The following ADAMTS6 variants were observed in gnomAD, a reference collection of about 807,000 sequenced individuals.
ADAMTS6 encodes ADAM metallopeptidase with thrombospondin type 1 motif 6, also known as A disintegrin and metalloproteinase with thrombospondin motifs 6.
Under a neutral mutation model 144.3 loss-of-function variants are expected in ADAMTS6, and 23 were observed. The ratio of observed to expected loss-of-function variants is 0.16; its 90% CI spans 0.11 to 0.23. ADAMTS6 has a LOEUF of 0.23. Among genes scored for constraint, ADAMTS6 ranks in the 10% least tolerant of loss-of-function variants. The pLI, the probability that ADAMTS6 is intolerant of heterozygous loss-of-function variation, is 1.00. For missense variants in ADAMTS6, 999 were observed against 1,379.6 expected, an observed-to-expected ratio of 0.72 and a Z score of 4.37; for synonymous variants, 444 against 457.5, an observed-to-expected ratio of 0.97 and a Z score of 0.38.
At chr5:65,265,238 A>T (rs546012172) in intron 12 of ADAMTS6, among the ~76,000 whole-genome samples, 1 of 152,090 alleles carries the variant, frequency 6.6e-6, no homozygotes, top group African/African-American at 2.4e-5. Context: ...AGAAAAAAAG[A>T]TCATCTGTTC....
chr5:65,471,768 AC>A, intron 2 of ADAMTS6, among the ~76,000 whole-genome samples: 1 of 152,184 alleles, frequency 6.6e-6, no homozygotes, highest in South Asian at 2.1e-4. Context: ...AAAAAAAAAA[AC>A]AAAACGAAAA....
chr5:65,400,200 A>G (rs979836041), intron 7 of ADAMTS6, among the ~76,000 whole-genome samples: 1 of 151,534 alleles, frequency 6.6e-6, no homozygotes, highest in African/African-American at 2.4e-5. Context: ...TTAATTTTTA[A>G]ACGTACATTT....
intron 10 of ADAMTS6, 152 bp from the exon 11 acceptor site, chr5:65,291,622 G>T: frequency 2.7e-6 from 2 of 747,292 alleles, no homozygotes; most frequent in Non-Finnish European, 3.9e-6. Flanking sequence ...GAACAGAATA[G>T]CTTTACTGAA....
At chr5:65,407,789 A>C (rs1247473561) in intron 7 of ADAMTS6, among the ~76,000 whole-genome samples, 1 of 152,194 alleles carries the variant, frequency 6.6e-6, no homozygotes, top group Non-Finnish European at 1.5e-5. Flanking sequence ...CTATAAAGAC[A>C]CATGCACACG....
chr5:65,313,054 G>A (rs927418670), intron 9 of ADAMTS6, among the ~76,000 whole-genome samples: 1 of 150,212 alleles, frequency 6.7e-6, no homozygotes, highest in Non-Finnish European at 1.5e-5. Flanking sequence ...CCAGCAAAAT[G>A]AAGAAAAATC....
rs561564193 is a variant in ADAMTS6 at position 65,433,931 on chromosome 5, C to A, written c.1073+17544G>T. On this transcript the variant is annotated intron_variant, in intron 7 of 24. Transcript: ENST00000381055. ...TATATACTCAAGAGAAATGAAAACA[C>A]ACATCCACACAAAAACTCCCACATG... is the stretch of plus-strand genomic sequence containing the variant. Among the ~76,000 whole-genome samples, 6 of 152,286 alleles carry A rather than the reference C, an allele frequency of 3.9e-5. No homozygotes were observed. In the South Asian group the frequency reaches 1.2e-3, roughly 32 times the overall value.
intron 7 of ADAMTS6, among the ~76,000 whole-genome samples, chr5:65,409,954 C>T (rs1354031841): frequency 6.6e-6 from 1 of 152,136 alleles, no homozygotes; most frequent in East Asian, 1.9e-4. Context: ...ATATAAGTTA[C>T]ATAAAAGGTT....
intron 7 of ADAMTS6, among the ~76,000 whole-genome samples, chr5:65,389,665 C>CT (rs1363756667): frequency 6.6e-6 from 1 of 150,988 alleles, no homozygotes; most frequent in African/African-American, 2.4e-5. Context: ...AGTACCCATC[C>CT]TTTTTTCCCC....
At chr5:65,272,852 TG>T (rs1001981465) in intron 12 of ADAMTS6, among the ~76,000 whole-genome samples, 2 of 149,336 alleles carry the variant, frequency 1.3e-5, no homozygotes, top group African/African-American at 5.0e-5. Flanking sequence ...GCCCCAGAGG[TG>T]GAGGTTGCAG....
intron 8 of ADAMTS6, among the ~76,000 whole-genome samples, chr5:65,331,613 G>A (rs899290748): frequency 1.3e-5 from 2 of 151,898 alleles, no homozygotes; most frequent in African/African-American, 4.8e-5. Context: ...TGTTAATGGC[G>A]ATTTGATAAC....
At chr5:65,448,257 G>T (rs1277943847) in intron 7 of ADAMTS6, among the ~76,000 whole-genome samples, 2 of 151,648 alleles carry the variant, frequency 1.3e-5, no homozygotes, top group Admixed American at 6.6e-5. Context: ...ATAGCTTTGC[G>T]GATCACAGTT....
chr5:65,354,923 T>C (rs987765667), intron 7 of ADAMTS6, among the ~76,000 whole-genome samples: 4 of 151,846 alleles, frequency 2.6e-5, no homozygotes, highest in African/African-American at 9.7e-5. Context: ...AAATGAAGTG[T>C]CGGGAAAGGT....
At chr5:65,237,136 A>C (rs1391222487) in intron 15 of ADAMTS6, among the ~76,000 whole-genome samples, 3 of 152,080 alleles carry the variant, frequency 2.0e-5, no homozygotes, top group African/African-American at 7.2e-5. Flanking sequence ...GCTCACACCT[A>C]TAATCCCAGT....
chr5:65,295,814 T>C (rs1416370214), intron 10 of ADAMTS6, among the ~76,000 whole-genome samples: 2 of 152,096 alleles, frequency 1.3e-5, no homozygotes, highest in Non-Finnish European at 2.9e-5. Context: ...AATCAAAGTA[T>C]ATTTACATTT....
intron 7 of ADAMTS6, among the ~76,000 whole-genome samples, chr5:65,339,146 C>A (rs1403227304): frequency 2.0e-5 from 3 of 152,186 alleles, no homozygotes; most frequent in African/African-American, 4.8e-5. Context: ...ACATTTCTGA[C>A]CTGAGAAATA....
intron 15 of ADAMTS6, among the ~76,000 whole-genome samples, chr5:65,231,908 G>A (rs973457448): frequency 6.6e-6 from 1 of 151,998 alleles, no homozygotes; most frequent in Non-Finnish European, 1.5e-5. Context: ...TCAGGAGTTC[G>A]AGACCAGCCA....
intron 8 of ADAMTS6, among the ~76,000 whole-genome samples, chr5:65,332,872 T>C (rs1198354445): frequency 6.6e-6 from 1 of 152,152 alleles, no homozygotes; most frequent in Non-Finnish European, 1.5e-5. Flanking sequence ...GCTTTTTAAC[T>C]AGCAAGCTTC....
chr5:65,307,570 C>A (rs1410094478), intron 9 of ADAMTS6, among the ~76,000 whole-genome samples: 1 of 152,180 alleles, frequency 6.6e-6, no homozygotes, highest in African/African-American at 2.4e-5. Flanking sequence ...TTTGTTCCTG[C>A]AATTACCATA....
intron 7 of ADAMTS6, among the ~76,000 whole-genome samples, chr5:65,425,271 G>A (rs763893023): frequency 2.0e-5 from 3 of 152,086 alleles, no homozygotes; most frequent in African/African-American, 4.8e-5. Flanking sequence ...CAGGTGATCC[G>A]CCAGCCTCAG....
Sources: gnomAD v4.1 joint callset for allele counts (sites outside exome capture counted in the v4.1 genomes callset) on GRCh38, gnomAD v4.1.1 for gene constraint, MANE v1.5 for transcripts, NCBI Gene and HGNC (gene_info 2026-07-23, HGNC 2026-07-21) for gene names.